The following ARHGAP45 variants were observed in gnomAD, a reference collection of about 807,000 sequenced individuals.
The protein encoded by ARHGAP45 is Rho GTPase activating protein 45, also known as rho GTPase-activating protein 45.
In ARHGAP45, 56 loss-of-function variants were observed where a neutral mutation model predicts 116.1. That is an observed-to-expected ratio of 0.48 (90% confidence interval 0.39 to 0.60). The LOEUF (loss-of-function observed/expected upper bound fraction) is 0.60. ARHGAP45 is among the 20% of genes least tolerant of loss of function. The pLI is 0.00. For synonymous variants in ARHGAP45, 866 were observed against 701.7 expected (o/e 1.23, Z -3.70); for missense variants, 1,622 against 1,601.0 (o/e 1.01, Z -0.22).
rs143375314 is a variant in ARHGAP45, at chr19:1,085,840, C to T, written c.3245C>T (p.Ala1082Val). 1.1e-5 allele frequency: 18 copies of T among 1,611,290 alleles called. No homozygotes were observed. In the African/African-American group the frequency reaches 1.6e-4, roughly 15 times the overall value. The stretch of plus-strand genomic sequence containing the variant: ...AGTGAGGAGCAGCTGGAGGCCACAG[C>T]CCGGGAGGACGGGGACGGGGACGAG... ...SGSEEQLEAT[A>V]REDGDGDEDG... is the part of the protein sequence containing the mutation. Residue 1082 changes from alanine to valine, a missense_variant, in exon 23 of 23, where the codon GCC (alanine) becomes GTC (valine). Physicochemically the swap from Ala to Val is moderately conservative, Grantham distance 64 (BLOSUM62 0). Coordinates refer to ENST00000313093, the MANE Select transcript of ARHGAP45 (RefSeq NM_012292.5).
In ARHGAP45 at chr19:1,080,306, G is replaced by T; in HGVS notation, c.1755G>T (p.Ala585=). 6.2e-7 allele frequency: 1 copy of T among 1,611,854 alleles called. No homozygotes were observed. Among genetic ancestry groups the T allele is most frequent in the Non-Finnish European group, 8.5e-7 (1 of 1,179,722 alleles). Reference sequence around the variant, plus strand: ...GCAGCTTCAACGTGAGTGATGTGGCGCGGCCGGAGGCTGCCGGGAGCCCCC... The same window carrying T: ...GCAGCTTCAACGTGAGTGATGTGGCTCGGCCGGAGGCTGCCGGGAGCCCCC... ...RKSSFNVSDV[A]RPEAAGSPPE... is the part of the protein sequence containing the mutation. The change falls in exon 14 of 23, where the codon GCG becomes GCT. Residue 585 remains alanine, a synonymous_variant. Transcript: ENST00000313093.
chr19:1,085,444 C>T (rs2043580813), intron 22 of ARHGAP45, among the ~76,000 whole-genome samples: 2 of 151,044 alleles, frequency 1.3e-5, no homozygotes, highest in Non-Finnish European at 3.0e-5. Context: ...TCCGTTTCTC[C>T]CCTTGTCTCT....
chr19:1,074,100 G>A lies in ARHGAP45; in HGVS notation c.791-4G>A, dbSNP rs1320671831. 2.5e-6 allele frequency: 4 copies of A among 1,611,218 alleles called. No individual in the cohort carries two copies. The highest frequency in any genetic ancestry group is 3.4e-6 in the Non-Finnish European group (4 of 1,179,074). On this transcript the variant is annotated splice_polypyrimidine_tract_variant and splice_region_variant and intron_variant, in intron 6 of 22. Transcript: ENST00000313093. ...CAGGCTGAGCAGGCCCCCGTTCCCTGCAGGCTGCCTGCCCGCCGAGGAGGT... is the reference window on the plus strand; with the variant it reads ...CAGGCTGAGCAGGCCCCCGTTCCCTACAGGCTGCCTGCCCGCCGAGGAGGT...
Position 1,067,236 on chromosome 19 carries a change from C to T in ARHGAP45, c.-170C>T, listed in dbSNP as rs919391420. On this transcript the variant is annotated 5_prime_UTR_variant, in exon 1 of 23. Coordinates refer to ENST00000313093, the MANE Select transcript of ARHGAP45 (RefSeq NM_012292.5). ...GGCCGCGTCGCCGCCTCCCCGAAGC[C>T]TTTTCCTGTTGGGGGGAGGGCCCGC... The T allele has an allele frequency of 1.6e-5, 22 of 1,342,618 alleles. No homozygotes were observed. The highest frequency in any genetic ancestry group is 2.1e-5 in the Non-Finnish European group (22 of 1,053,908). 83.2% of individuals were successfully genotyped at this position (1,342,618 alleles called of 1,614,324 possible).
Position 1,083,373 on chromosome 19 carries a change from CGGGGCT to C in ARHGAP45, c.2955+23_2955+28del. ...GGCCAGGTGAGGGTGTGGGCCTGAC[CGGGGCT>C]GGCCACTCGGGGCTTGGGGAGCAGG... On this transcript the variant is annotated intron_variant, in intron 21 of 22. Transcript: ENST00000313093. The C allele has an allele frequency of 6.5e-7, 1 of 1,535,236 alleles. No individual in the cohort carries two copies. The highest frequency in any genetic ancestry group is 8.7e-7 in the Non-Finnish European group (1 of 1,144,018).
In ARHGAP45 at chr19:1,085,775, CGAGGCCAGCCTA is replaced by C; in HGVS notation, c.3185_3196del (p.Ala1062_Glu1065del). 1 of 1,612,628 alleles carries C rather than the reference CGAGGCCAGCCTA, an allele frequency of 6.2e-7. No homozygotes were observed. The highest frequency in any genetic ancestry group is 8.5e-7 in the Non-Finnish European group (1 of 1,179,826). On this transcript the variant is annotated inframe_deletion, in exon 23 of 23. Coordinates refer to ENST00000313093, the MANE Select transcript of ARHGAP45 (RefSeq NM_012292.5). ...TCAGCTTCCTGGAGCAGCAGCAGAG[CGAGGCCAGCCTA>C]GAGGTGGCTTCTGGCAGCCACAGCG...
chr19:1,079,623 G>GCA (rs2043366582), intron 11 of ARHGAP45, 80 bp from the exon 12 acceptor site: 29 of 1,524,090 alleles, frequency 1.9e-5, no homozygotes, highest in Non-Finnish European at 2.5e-5. Context: ...ACAGGCGTCA[G>GCA]CCCCGCCTCC....
intron 19 of ARHGAP45, 34 bp from the exon 20 acceptor site, chr19:1,082,806 C>T: frequency 2.7e-6 from 4 of 1,454,570 alleles, no homozygotes; most frequent in Non-Finnish European, 3.6e-6. Flanking sequence ...TGGGCCAGGC[C>T]CACCAACACC....
At position 1,084,297 on chromosome 19, in the gene ARHGAP45, CGAGGCGGTGGTCTACCCGCTGCAG is replaced by C. The variant is rs2081562469; in HGVS notation, c.3023_3046del (p.Val1008_Ala1015del). ...TCCAGGTGCCGTACCTGGAGGCGGGCGAGGCGGTGGTCTACCCGCTGCAGGAGGCGGCGGCGGACGGGTGCAGAG... is the reference window on the plus strand; with the variant it reads ...TCCAGGTGCCGTACCTGGAGGCGGGCGAGGCGGCGGCGGACGGGTGCAGAG... On this transcript the variant is annotated inframe_deletion, in exon 22 of 23. Coordinates refer to ENST00000313093, the MANE Select transcript of ARHGAP45 (RefSeq NM_012292.5). 18 of 1,612,520 alleles carry C rather than the reference CGAGGCGGTGGTCTACCCGCTGCAG, an allele frequency of 1.1e-5. No homozygotes were observed. Among genetic ancestry groups the C allele is most frequent in the Non-Finnish European group, 1.4e-5 (16 of 1,179,426 alleles).
intron 21 of ARHGAP45, among the ~76,000 whole-genome samples, chr19:1,083,923 C>A (rs944382345): frequency 3.9e-5 from 6 of 152,088 alleles, no homozygotes; most frequent in Admixed American, 2.6e-4. Flanking sequence ...GTATTTTTAA[C>A]AGAGATGGGG....
In ARHGAP45 at chr19:1,073,488, CT is replaced by C; in HGVS notation, c.566-16del. The stretch of plus-strand genomic sequence containing the variant: ...CCCAGAGTGGGCCCACCTCCTTGTC[CT>C]TATCTCTGCTTCCCAGCCTTCCATT... On this transcript the variant is annotated splice_polypyrimidine_tract_variant and intron_variant, in intron 3 of 22. Transcript: ENST00000313093. 2 of 1,612,452 alleles carry C rather than the reference CT, an allele frequency of 1.2e-6. No individual in the cohort carries two copies. Among genetic ancestry groups the C allele is most frequent in the Non-Finnish European group, 1.7e-6 (2 of 1,178,840 alleles).
In ARHGAP45 at chr19:1,072,576, GT is replaced by G. The variant is rs954146573; in HGVS notation, c.422-571del. Among the ~76,000 whole-genome samples the G allele has an allele frequency of 2.4e-4, 36 of 152,314 alleles. 1 individual carries two copies. In the South Asian group the frequency reaches 2.7e-3, roughly 11 times the overall value. On this transcript the variant is annotated intron_variant, in intron 2 of 22. Transcript: ENST00000313093. ...GGCTGAGGAGGGCAGTGAAAGCCAGGTTCCAACAGTCAGATCTGACCTCCTC... is the reference window on the plus strand; with the variant it reads ...GGCTGAGGAGGGCAGTGAAAGCCAGGTCCAACAGTCAGATCTGACCTCCTC...
rs148583340 is a variant in ARHGAP45 at position 1,073,384 on chromosome 19, A to G, written c.565+92A>G. 4 of 1,579,930 alleles carry G rather than the reference A, an allele frequency of 2.5e-6. No individual in the cohort carries two copies. In the African/African-American group the frequency reaches 4.0e-5, roughly 16 times the overall value. Reference sequence around the variant, plus strand: ...TTGAAGTGGGTTTTGAAGGATGCATAGGAGTTTGACAGGCACAAGCTCCCT... The same window carrying G: ...TTGAAGTGGGTTTTGAAGGATGCATGGGAGTTTGACAGGCACAAGCTCCCT... On this transcript the variant is annotated intron_variant, in intron 3 of 22. Coordinates refer to ENST00000313093, the MANE Select transcript of ARHGAP45 (RefSeq NM_012292.5).
chr19:1,083,914 TA>T (rs1198559860), intron 21 of ARHGAP45, among the ~76,000 whole-genome samples: 1 of 152,196 alleles, frequency 6.6e-6, no homozygotes, highest in Non-Finnish European at 1.5e-5. Context: ...CTAATTTTTG[TA>T]TTTTTAACAG....
intron 10 of ARHGAP45, among the ~76,000 whole-genome samples, chr19:1,076,249 C>T (rs2043245007): frequency 1.3e-5 from 2 of 152,156 alleles, no homozygotes; most frequent in Admixed American, 1.3e-4. Flanking sequence ...TGCTTTTCCT[C>T]TTCTGTGAAC....
At chr19:1,085,518 TCCTGTCTCTCC>T in intron 22 of ARHGAP45, 131 bp from the exon 23 acceptor site, 1 of 628,782 alleles carries the variant, frequency 1.6e-6, no homozygotes, top group Non-Finnish European at 2.7e-6. Flanking sequence ...CCTCCATCTC[TCCTGTCTCTCC>T]CCATCTCTCC....
chr19:1,066,408 G>A (rs1283286414), upstream of ARHGAP45: 1 of 553,224 alleles, frequency 1.8e-6, no homozygotes, highest in East Asian at 3.1e-5. Flanking sequence ...ACGTCCGGTG[G>A]TCCAGAGTCA....
rs777917786 is a variant in ARHGAP45 at position 1,074,401 on chromosome 19, G to C, written c.987G>C (p.Met329Ile). The C allele has an allele frequency of 5.1e-6, 8 of 1,566,290 alleles. No individual in the cohort carries two copies. The African/African-American group carries it at 1.1e-4, about 21-fold the overall frequency. ...KIAHNCRQSV[M>I]QEPHMPLLSI... ...CTCACAACTGCAGACAGAGCGTCAT[G>C]CAGGAGGTGGGGGCCCCGCGGGCAC... The change falls in exon 8 of 23, where the codon ATG becomes ATC. Residue 329 changes from methionine (M) to isoleucine (I), a missense_variant. Around this residue, in one of 3 missense-constraint regions of ARHGAP45, gnomAD observed 1,334 missense variants for 1,263.8 expected, o/e 1.06. Coordinates refer to ENST00000313093, the MANE Select transcript of ARHGAP45 (RefSeq NM_012292.5).
rs376010305 is a variant in ARHGAP45, at chr19:1,074,138, A to T, written c.825A>T (p.Leu275=). Residue 275 remains leucine, a synonymous_variant, in exon 7 of 23, where the codon CTA becomes CTT. Coordinates refer to ENST00000313093, the MANE Select transcript of ARHGAP45 (RefSeq NM_012292.5). ...CLPAEEVDVL[L]QRCEGGVDAA... ...CCGCCGAGGAGGTGGACGTGCTGCT[A>T]CAGCGCTGTGAGGGGGGCGTGGATG... 2.2e-4 allele frequency: 361 copies of T among 1,613,154 alleles called. 1 individual carries two copies. The highest frequency in any genetic ancestry group is 2.8e-4 in the Non-Finnish European group (331 of 1,179,942).
Sources: allele counts gnomAD v4.1 joint callset (sites outside exome capture counted in the v4.1 genomes callset), GRCh38; gene constraint gnomAD v4.1.1; regional missense constraint gnomAD v4.1.1; transcripts MANE v1.5; gene names NCBI Gene and HGNC (gene_info 2026-07-23, HGNC 2026-07-21).